Variants in ERC2 observed in about 807,000 individuals in gnomAD.
ERC2 encodes ERC protein 2.
A neutral mutation model predicts 114.8 loss-of-function variants in ERC2; 42 were observed. That is an observed-to-expected ratio of 0.37 (90% CI 0.29 to 0.47). The LOEUF (loss-of-function observed/expected upper bound fraction) is 0.47, where lower values mean the gene tolerates loss of function less well. Among genes scored for constraint, ERC2 ranks in the 20% least tolerant of loss-of-function variants. The probability of loss-of-function intolerance (pLI) is 0.99; values close to 1 mark genes in which losing one functional copy is unlikely to be tolerated. For synonymous variants in ERC2, 454 were observed against 425.5 expected, an observed-to-expected ratio of 1.07 and a Z score of -0.82; for missense variants, 939 against 1,150.7, an observed-to-expected ratio of 0.82 and a Z score of 2.66.
At chr3:55,964,641 A>G (rs2068619113) in intron 12 of ERC2, among the ~76,000 whole-genome samples, 1 of 152,186 alleles carries the variant, frequency 6.6e-6, no homozygotes, top group South Asian at 2.1e-4. Context: ...CTAAAACCAC[A>G]TTTATTTATT....
chr3:55,828,627 C>G (rs1245710504), intron 14 of ERC2, among the ~76,000 whole-genome samples: 1 of 152,094 alleles, frequency 6.6e-6, no homozygotes, highest in Non-Finnish European at 1.5e-5. Flanking sequence ...TTCATAAGTT[C>G]ATGTATGAGC....
intron 14 of ERC2, among the ~76,000 whole-genome samples, chr3:55,842,941 G>C (rs2061201450): frequency 6.6e-6 from 1 of 152,150 alleles, no homozygotes; most frequent in Admixed American, 6.5e-5. Context: ...GAGAGAAGGA[G>C]AGATCAGAGT....
chr3:56,068,020 C>T (rs1165175974), intron 7 of ERC2, among the ~76,000 whole-genome samples: 1 of 152,058 alleles, frequency 6.6e-6, no homozygotes, highest in Non-Finnish European at 1.5e-5. Flanking sequence ...TGTGTCTCTG[C>T]CAGATTTTGG....
intron 14 of ERC2, among the ~76,000 whole-genome samples, chr3:55,883,124 C>T (rs2063190053): frequency 6.6e-6 from 1 of 152,212 alleles, no homozygotes; most frequent in South Asian, 2.1e-4. Context: ...AATATTTATA[C>T]ATTTTTTAAC....
intron 13 of ERC2, among the ~76,000 whole-genome samples, chr3:55,896,820 T>C (rs73075332): frequency 0.11 from 16,077 of 152,272 alleles, 1,027 homozygotes; most frequent in African/African-American, 0.17. Context: ...TTGATTTAGC[T>C]TAATCAATTA....
At chr3:55,822,856 A>T (rs1293113692) in intron 14 of ERC2, among the ~76,000 whole-genome samples, 1 of 151,638 alleles carries the variant, frequency 6.6e-6, no homozygotes, top group Non-Finnish European at 1.5e-5. Context: ...CTCGTGATCC[A>T]CCCGCCTCGG....
chr3:55,637,303 G>A (rs1287478490), intron 17 of ERC2, among the ~76,000 whole-genome samples: 3 of 152,212 alleles, frequency 2.0e-5, no homozygotes, highest in African/African-American at 2.4e-5. Flanking sequence ...CACCTGGAGA[G>A]TACAGAAACA....
At chr3:56,003,198 ACAGCAT>A (rs2072213585) in intron 10 of ERC2, 2 of 1,217,236 alleles carry the variant, frequency 1.6e-6, no homozygotes, top group Non-Finnish European at 2.2e-6. Context: ...ATCCAGAAAA[ACAGCAT>A]TAGCTCAACA....
intron 4 of ERC2, among the ~76,000 whole-genome samples, chr3:56,170,309 A>G (rs2082563853): frequency 6.6e-6 from 1 of 152,232 alleles, no homozygotes; most frequent in Non-Finnish European, 1.5e-5. Context: ...TGATGCAGGC[A>G]GATGATATTT....
In ERC2 at chr3:55,692,640, T is replaced by C. The variant is rs551628061; in HGVS notation, c.2847+6738A>G. ...AGCCAACTCTACCTTATGGCTCTTT[T>C]GCCTGTAGAAAGAGGGGAGAAGGGA... On this transcript the variant is annotated intron_variant, in intron 16 of 17. Transcript: ENST00000288221. 2.4e-4 allele frequency among the ~76,000 whole-genome samples: 37 copies of C among 152,282 alleles called. No homozygotes were observed. In the South Asian group the frequency reaches 5.6e-3, roughly 23 times the overall value.
At chr3:55,536,652 G>A (rs1476479203) in intron 17 of ERC2, among the ~76,000 whole-genome samples, 1 of 152,244 alleles carries the variant, frequency 6.6e-6, no homozygotes, top group East Asian at 1.9e-4. Context: ...GAGTTTCGTA[G>A]TAATAAATCT....
chr3:55,949,507 T>A (rs1439414477), intron 13 of ERC2, among the ~76,000 whole-genome samples: 1 of 151,542 alleles, frequency 6.6e-6, no homozygotes, highest in Admixed American at 6.6e-5. Flanking sequence ...AAAAAAAAAA[T>A]ACCTAATATT....
intron 6 of ERC2, among the ~76,000 whole-genome samples, chr3:56,083,179 A>G (rs552759230): frequency 6.6e-6 from 1 of 152,336 alleles, no homozygotes; most frequent in East Asian, 1.9e-4. Context: ...TGAATGGATA[A>G]ATAAAATGGT....
At chr3:56,439,758 G>A (rs1363328874) in intron 1 of ERC2, among the ~76,000 whole-genome samples, 1 of 139,806 alleles carries the variant, frequency 7.2e-6, no homozygotes, top group Non-Finnish European at 1.6e-5. Flanking sequence ...GTTTTTTTTT[G>A]CCCTTTTGCA....
At chr3:55,948,293 T>C (rs1395815910) in intron 13 of ERC2, among the ~76,000 whole-genome samples, 1 of 152,198 alleles carries the variant, frequency 6.6e-6, no homozygotes, top group African/African-American at 2.4e-5. Flanking sequence ...AATGCTTGTG[T>C]AGAATAAATC....
Position 55,900,303 on chromosome 3 carries a change from C to T in ERC2, c.2404-11754G>A, listed in dbSNP as rs528145526. 1.6e-4 allele frequency among the ~76,000 whole-genome samples: 25 copies of T among 152,060 alleles called. 1 individual carries two copies. The South Asian group carries it at 3.7e-3, about 23-fold the overall frequency. On this transcript the variant is annotated intron_variant, in intron 13 of 17. Transcript: ENST00000288221. The stretch of plus-strand genomic sequence containing the variant: ...GTTTGGTGCTTTGTTTAGTATTGTC[C>T]GATTTTGTTATTATAATTTTGTTTC...
At chr3:56,125,216 A>C (rs1443266380) in intron 6 of ERC2, among the ~76,000 whole-genome samples, 1 of 152,188 alleles carries the variant, frequency 6.6e-6, no homozygotes, top group African/African-American at 2.4e-5. Flanking sequence ...TCTCTTTCTA[A>C]AATATGTAGG....
At chr3:55,789,071 T>C (rs1010767760) in intron 14 of ERC2, among the ~76,000 whole-genome samples, 7 of 152,228 alleles carry the variant, frequency 4.6e-5, no homozygotes, top group Admixed American at 4.6e-4. Context: ...AGCATGTTAG[T>C]GAGATTCATC....
chr3:56,132,243 G>A lies in ERC2; in HGVS notation c.1473+7266C>T, dbSNP rs117898644. Among the ~76,000 whole-genome samples the A allele has an allele frequency of 1.9e-3, 294 of 152,254 alleles. 10 individuals are homozygous for A. In the East Asian group the frequency reaches 0.051, roughly 26 times the overall value. ...GCTTTACCAAGAACTGGGGGACAGA[G>A]GGCCCATCTCAAGGCAAATAAACTG... On this transcript the variant is annotated intron_variant, in intron 6 of 17. Coordinates refer to ENST00000288221, the MANE Select transcript of ERC2 (RefSeq NM_015576.3).
Sources: gnomAD v4.1 joint callset for allele counts (sites outside exome capture counted in the v4.1 genomes callset) on GRCh38, gnomAD v4.1.1 for gene constraint, MANE v1.5 for transcripts, NCBI Gene and HGNC (gene_info 2026-07-23, HGNC 2026-07-21) for gene names.